Variants in ATP8B1 observed in about 807,000 individuals in gnomAD.
ATP8B1 encodes ATPase phospholipid transporting 8B1, also known as phospholipid-transporting ATPase IC.
ATP8B1 carries 80 observed loss-of-function variants against 149.9 expected under a neutral mutation model. The ratio of observed to expected loss-of-function variants is 0.53; its 90% CI spans 0.45 to 0.64. The LOEUF (loss-of-function observed/expected upper bound fraction) is 0.64. Ranked by LOEUF, ATP8B1 falls within the 30% of genes least tolerant of loss-of-function variation. ATP8B1 has a pLI of 0.00. For synonymous variants in ATP8B1, 536 were observed against 562.8 expected (o/e 0.95, Z 0.67); for missense variants, 1,247 against 1,552.6 (o/e 0.80, Z 3.31).
At chr18:57,684,817 G>A (rs1912152147) in intron 14 of ATP8B1, among the ~76,000 whole-genome samples, 1 of 152,128 alleles carries the variant, frequency 6.6e-6, no homozygotes, top group African/African-American at 2.4e-5. Context: ...TCCAATGATT[G>A]GTATCCTTAT....
At chr18:57,710,585 GA>G (rs79863361) in intron 2 of ATP8B1, among the ~76,000 whole-genome samples, 7 of 149,870 alleles carry the variant, frequency 4.7e-5, no homozygotes, top group African/African-American at 9.8e-5. Flanking sequence ...ACATCAAAAA[GA>G]AAAAAAAACC....
At position 57,731,374 on chromosome 18, in the gene ATP8B1, T is replaced by C. The variant is rs12606420; in HGVS notation, c.181+253A>G. 200,250 of 202,146 alleles carry C rather than the reference T, an allele frequency of 0.99. 99,221 individuals carry two copies. The highest frequency in any genetic ancestry group is 1 in the East Asian group (7,066 of 7,066). 12.5% of individuals were successfully genotyped at this position (202,146 alleles called of 1,614,324 possible). A position where few individuals can be genotyped will look rare whatever the true frequency, so the allele number is the denominator to read the frequency against. On this transcript the variant is annotated intron_variant, in intron 2 of 27. Coordinates refer to ENST00000648908, the MANE Select transcript of ATP8B1 (RefSeq NM_001374385.1). ...ATATATATATATATATATATATATA[T>C]ACACACACTAACAAAGACCTTAATG... is the stretch of plus-strand genomic sequence containing the variant.
intron 1 of ATP8B1, chr18:57,734,243 G>A (rs1055107301): frequency 1.3e-5 from 2 of 152,154 alleles, no homozygotes; most frequent in African/African-American, 4.8e-5. Context: ...AGGCTAGAGT[G>A]CAGTGGTGCA....
rs906878929 is a variant in ATP8B1 at position 57,784,584 on chromosome 18, A to C, written c.-26+18414T>G. Among the ~76,000 whole-genome samples the C allele has an allele frequency of 3.3e-5, 5 of 152,192 alleles. No homozygotes were observed. The highest frequency in any genetic ancestry group is 1.2e-4 in the African/African-American group (5 of 41,444). Reference sequence around the variant, plus strand: ...CAGGCTTAAGCCAGAAGGCTTAAGCACCAGCTAGAGGGGTATCATCTTCTC... The same window carrying C: ...CAGGCTTAAGCCAGAAGGCTTAAGCCCCAGCTAGAGGGGTATCATCTTCTC... On this transcript the variant is annotated intron_variant, in intron 1 of 27. Coordinates refer to ENST00000648908, the MANE Select transcript of ATP8B1 (RefSeq NM_001374385.1). This position sits in a 1 kb window ranked among gnomAD's most constrained non-coding sequence, Gnocchi z 4.4.
chr18:57,753,931 C>CAA (rs1218057370), intron 1 of ATP8B1, among the ~76,000 whole-genome samples: 26 of 70,874 alleles, frequency 3.7e-4, no homozygotes, highest in East Asian at 1.4e-3. Flanking sequence ...GACTCTGTCT[C>CAA]AAAAAAAAAA....
chr18:57,646,827 A>T lies in ATP8B1; in HGVS notation c.*1661T>A, dbSNP rs1054270241. 6.5e-6 allele frequency: 1 copy of T among 152,676 alleles called. No individual in the cohort carries two copies. The allele number at this position is 152,676 out of a possible 1,614,324, so 9.5% of individuals were successfully genotyped here. A position where few individuals can be genotyped will look rare whatever the true frequency, so the allele number is the denominator to read the frequency against. ...ATTGTGATTACCTCATAGGAATTCA[A>T]CAGGACTGATATTGTGAACATTCAC... On this transcript the variant is annotated 3_prime_UTR_variant, in exon 28 of 28. Transcript: ENST00000648908.
At chr18:57,681,397 C>T (rs1048545144) in intron 15 of ATP8B1, among the ~76,000 whole-genome samples, 1 of 152,142 alleles carries the variant, frequency 6.6e-6, no homozygotes, top group African/African-American at 2.4e-5. Context: ...AGATGCTGAG[C>T]GGTGAACCCA....
intron 20 of ATP8B1, among the ~76,000 whole-genome samples, chr18:57,666,254 G>A (rs1450027333): frequency 2.0e-5 from 3 of 152,026 alleles, no homozygotes; most frequent in Admixed American, 6.6e-5. Context: ...TACATTTCCA[G>A]GTCTGCTGCG....
At chr18:57,736,770 G>C (rs2079861146) in intron 1 of ATP8B1, among the ~76,000 whole-genome samples, 1 of 151,732 alleles carries the variant, frequency 6.6e-6, no homozygotes, top group Non-Finnish European at 1.5e-5. Flanking sequence ...AATCCATCTT[G>C]AGTTGACTTT....
At chr18:57,724,640 T>G (rs1239751139) in intron 2 of ATP8B1, among the ~76,000 whole-genome samples, 9 of 148,288 alleles carry the variant, frequency 6.1e-5, no homozygotes, top group African/African-American at 1.7e-4. Context: ...GGAACACTTT[T>G]ACACTGTTGG....
intron 15 of ATP8B1, among the ~76,000 whole-genome samples, chr18:57,676,447 C>T (rs1054039438): frequency 1.5e-4 from 23 of 151,510 alleles, no homozygotes; most frequent in Middle Eastern, 6.9e-3. Context: ...AGGCTGGGTG[C>T]AGTGGCTCAC....
intron 1 of ATP8B1, among the ~76,000 whole-genome samples, chr18:57,796,512 G>T (rs779996489): frequency 1.3e-5 from 2 of 152,136 alleles, no homozygotes; most frequent in Non-Finnish European, 2.9e-5. Flanking sequence ...ACAAAAAACT[G>T]GAGGTTGATA....
chr18:57,741,371 A>G (rs1163760560), intron 1 of ATP8B1, among the ~76,000 whole-genome samples: 3 of 152,202 alleles, frequency 2.0e-5, no homozygotes, highest in East Asian at 3.9e-4. Flanking sequence ...CAGCTGCCCT[A>G]TGGAGAGGCT....
At chr18:57,670,128 G>A (rs749299512) in intron 17 of ATP8B1, among the ~76,000 whole-genome samples, 2 of 152,100 alleles carry the variant, frequency 1.3e-5, no homozygotes, top group Non-Finnish European at 2.9e-5. Flanking sequence ...GCCTTGGGGT[G>A]TAATGACATA....
chr18:57,676,269 C>T (rs1251736816), intron 15 of ATP8B1, among the ~76,000 whole-genome samples: 2 of 152,052 alleles, frequency 1.3e-5, no homozygotes, highest in African/African-American at 2.4e-5. Context: ...GCAAGTGATC[C>T]TCCCACCTCA....
intron 16 of ATP8B1, among the ~76,000 whole-genome samples, chr18:57,672,884 A>T (rs1424084721): frequency 2.4e-5 from 1 of 41,830 alleles, no homozygotes; most frequent in East Asian, 9.4e-4. Context: ...AAAAAAAAAA[A>T]AGTATATATA....
At chr18:57,799,700 G>C (rs1172637890) in intron 1 of ATP8B1, among the ~76,000 whole-genome samples, 1 of 104,370 alleles carries the variant, frequency 9.6e-6, no homozygotes, top group Non-Finnish European at 1.8e-5. Flanking sequence ...GCAAGACTCT[G>C]TCTCAAAAAA....
At position 57,695,134 on chromosome 18, in the gene ATP8B1, C is replaced by T. The variant is rs757032074; in HGVS notation, c.940+37G>A. ...CAATCCCCTCTAAGTCTTTAAAGAT[C>T]ATAGCTGATTAATTTCCCAAGAAAC... On this transcript the variant is annotated intron_variant, in intron 10 of 27. Transcript: ENST00000648908. 1.8e-5 allele frequency: 27 copies of T among 1,525,788 alleles called. No homozygotes were observed. The African/African-American group carries it at 2.1e-4, about 12-fold the overall frequency. 94.5% of individuals were successfully genotyped at this position (1,525,788 alleles called of 1,614,324 possible).
rs922863665 is a variant in ATP8B1 at position 57,731,537 on chromosome 18, G to A, written c.181+90C>T. The A allele has an allele frequency of 4.9e-5, 71 of 1,441,282 alleles. No homozygotes were observed. The African/African-American group carries it at 5.5e-4, about 11-fold the overall frequency. 89.3% of individuals were successfully genotyped at this position (1,441,282 alleles called of 1,614,324 possible). A position where few individuals can be genotyped will look rare whatever the true frequency, so the allele number is the denominator to read the frequency against. On this transcript the variant is annotated intron_variant, in intron 2 of 27. Transcript: ENST00000648908. ...CAGAGAAGATTCTCTCCTAGACCAC[G>A]CAAAATAGACCGATCATCTTTGGCA...
Sources: allele counts gnomAD v4.1 joint callset (sites outside exome capture counted in the v4.1 genomes callset), GRCh38; gene constraint gnomAD v4.1.1; non-coding constraint Gnocchi (gnomAD v3.1); transcripts MANE v1.5; gene names NCBI Gene and HGNC (gene_info 2026-07-23, HGNC 2026-07-21).